Variants in MOSPD3 observed in about 807,000 individuals in gnomAD.
MOSPD3 encodes the protein motile sperm domain containing 3.
In MOSPD3, 20 loss-of-function variants were observed where a neutral mutation model predicts 23.3. The observed-to-expected ratio is 0.86, with a 90% CI of 0.61 to 1.25. The LOEUF (loss-of-function observed/expected upper bound fraction) is 1.25, where lower values mean the gene tolerates loss of function less well. Among genes scored for constraint, MOSPD3 ranks in the 50% most tolerant of loss-of-function variants. The pLI is 0.00. For synonymous variants in MOSPD3, 136 were observed against 135.2 expected (o/e 1.01, Z -0.04); for missense variants, 307 against 315.7 (o/e 0.97, Z 0.21).
Position 100,615,047 on chromosome 7 carries a change from G to A in MOSPD3, c.676+16G>A, listed in dbSNP as rs577812292. 2 of 1,614,202 alleles carry A rather than the reference G, an allele frequency of 1.2e-6. No homozygotes were observed. The highest frequency in any genetic ancestry group is 1.1e-5 in the South Asian group (1 of 91,086). ...TACGTCTTGGGTGAGGACAGTAGTG[G>A]CCAGGGACCCAGGCCCCAGGAAAAA... On this transcript the variant is annotated intron_variant, in intron 4 of 4. Transcript: ENST00000393950.
rs958212713 is a variant in MOSPD3 at position 100,612,663 on chromosome 7, G to C, written c.-129G>C. On this transcript the variant is annotated 5_prime_UTR_variant, in exon 1 of 5. Transcript: ENST00000393950. The stretch of plus-strand genomic sequence containing the variant: ...CCATCTAGCGGGGTTCCAAGGCGGC[G>C]GCGGCATCAGTCGAGGCCCTGCTCC... 12 of 643,136 alleles carry C rather than the reference G, an allele frequency of 1.9e-5. No individual in the cohort carries two copies. The highest frequency in any genetic ancestry group is 3.1e-5 in the Non-Finnish European group (12 of 391,962). The allele number at this position is 643,136 out of a possible 1,614,324, so 39.8% of individuals were successfully genotyped here.
chr7:100,612,466 A>T (rs1213608102), upstream of MOSPD3: 2 of 216,142 alleles, frequency 9.3e-6, no homozygotes, highest in Non-Finnish European at 1.8e-5. Flanking sequence ...GGCGGGGCTT[A>T]TGGAGATCGT....
chr7:100,613,610 G>A lies in MOSPD3; in HGVS notation c.415G>A (p.Ala139Thr). 1 of 1,614,182 alleles carries A rather than the reference G, an allele frequency of 6.2e-7. No individual in the cohort carries two copies. The highest frequency in any genetic ancestry group is 8.5e-7 in the Non-Finnish European group (1 of 1,180,038). The stretch of plus-strand genomic sequence containing the variant: ...CATTACCTCCATTCTGAGAGCCCCA[G>A]CGTACCCCCTTGAGCTTCAGGGACA... Reference protein sequence around the residue: ...KDITSILRAPAYPLELQGQPD... With the variant: ...KDITSILRAPTYPLELQGQPD... Residue 139 changes from alanine to threonine, a missense_variant, in exon 3 of 5, where the codon GCG becomes ACG. Ala to Thr is a moderately conservative substitution (Grantham distance 58). Coordinates refer to ENST00000393950, the MANE Select transcript of MOSPD3 (RefSeq NM_023948.5).
chr7:100,613,943 C>T (rs543973110), intron 3 of MOSPD3, among the ~76,000 whole-genome samples: 150 of 152,280 alleles, frequency 9.9e-4, no homozygotes, highest in Non-Finnish European at 1.4e-3. Context: ...CGCAGTACTT[C>T]CTATCATGTG....
intron 3 of MOSPD3, 117 bp from the exon 4 acceptor site, chr7:100,614,750 A>T: frequency 1.7e-6 from 2 of 1,192,204 alleles, no homozygotes; most frequent in Non-Finnish European, 2.3e-6. Context: ...CTCTACAAAA[A>T]ATAAAAGATA....
Position 100,613,386 on chromosome 7 carries a change from C to T in MOSPD3, c.282-91C>T, listed in dbSNP as rs927499508. The T allele has an allele frequency of 3.2e-6, 5 of 1,549,260 alleles. 1 individual carries two copies. In the South Asian group the frequency reaches 5.6e-5, roughly 17 times the overall value. The stretch of plus-strand genomic sequence containing the variant: ...ATTTGCCCTATCCTCTGCCTGTGCC[C>T]CTAAGGGAGAGACTTCTGGGGGGAG... On this transcript the variant is annotated intron_variant, in intron 2 of 4. Transcript: ENST00000393950.
chr7:100,614,292 C>T (rs1802925406), intron 3 of MOSPD3, among the ~76,000 whole-genome samples: 1 of 150,798 alleles, frequency 6.6e-6, no homozygotes. Flanking sequence ...GATGGAACCC[C>T]GTCTCTACTA....
In MOSPD3 at chr7:100,612,738, C is replaced by G. The variant is rs776627079; in HGVS notation, c.-54C>G. On this transcript the variant is annotated 5_prime_UTR_variant, in exon 1 of 5. Coordinates refer to ENST00000393950, the MANE Select transcript of MOSPD3 (RefSeq NM_023948.5). ...CCCCTCACGCCCCCCAGCTCTGACT[C>G]CAGGCCCTGTCCCCTGAGCTCTGCC... 1 of 1,431,452 alleles carries G rather than the reference C, an allele frequency of 7.0e-7. No homozygotes were observed. Among genetic ancestry groups the G allele is most frequent in the Non-Finnish European group, 9.4e-7 (1 of 1,059,218 alleles). The allele number at this position is 1,431,452 out of a possible 1,614,324, so 88.7% of individuals were successfully genotyped here.
intron 3 of MOSPD3, among the ~76,000 whole-genome samples, chr7:100,614,291 C>T (rs1802925287): frequency 6.7e-6 from 1 of 149,118 alleles, no homozygotes; most frequent in Admixed American, 6.7e-5. Context: ...TGATGGAACC[C>T]CGTCTCTACT....
chr7:100,614,757 G>T lies in MOSPD3; in HGVS notation c.512-110G>T, dbSNP rs1421684713. On this transcript the variant is annotated intron_variant, in intron 3 of 4. Coordinates refer to ENST00000393950, the MANE Select transcript of MOSPD3 (RefSeq NM_023948.5). Reference sequence around the variant, plus strand: ...GACTCCATCTCTACAAAAAATAAAAGATAATTAAAAAAAAAAAGTAGATAC... The same window carrying T: ...GACTCCATCTCTACAAAAAATAAAATATAATTAAAAAAAAAAAGTAGATAC... 6.5e-6 allele frequency: 8 copies of T among 1,238,274 alleles called. No individual in the cohort carries two copies. In the East Asian group the frequency reaches 1.3e-4, roughly 20 times the overall value. The allele number at this position is 1,238,274 out of a possible 1,614,324, so 76.7% of individuals were successfully genotyped here. A position where few individuals can be genotyped will look rare whatever the true frequency, so the allele number is the denominator to read the frequency against.
Position 100,614,973 on chromosome 7 carries a change from G to A in MOSPD3, c.618G>A (p.Gln206=), listed in dbSNP as rs1407342900. The change falls in exon 4 of 5, where the codon CAG becomes CAA. Residue 206 remains glutamine (Q), a synonymous_variant. Coordinates refer to ENST00000393950, the MANE Select transcript of MOSPD3 (RefSeq NM_023948.5). ...LLPLPDELGS[Q]LPQVLHVSLG... The stretch of plus-strand genomic sequence containing the variant: ...CACTCCCGGACGAACTCGGCAGCCA[G>A]CTGCCTCAAGTCCTGCACGTCTCCC... 1.9e-6 allele frequency: 3 copies of A among 1,614,010 alleles called. No homozygotes were observed. Among genetic ancestry groups the A allele is most frequent in the African/African-American group, 2.7e-5 (2 of 74,930 alleles).
rs771043806 is a variant in MOSPD3, at chr7:100,613,230, A to C, written c.242A>C (p.Asp81Ala). ...GCACCTGCCAAATACACGGTGTTTGACGCAGAGGGATATGTGAAGCCCCAG... is the reference window on the plus strand; with the variant it reads ...GCACCTGCCAAATACACGGTGTTTGCCGCAGAGGGATATGTGAAGCCCCAG... ...CTAPAKYTVF[D>A]AEGYVKPQSC... The change falls in exon 2 of 5, where the codon GAC becomes GCC. Residue 81 changes from aspartate to alanine, a missense_variant. Physicochemically the swap from Asp to Ala is moderately radical, Grantham distance 126. Transcript: ENST00000393950. 6 of 1,613,946 alleles carry C rather than the reference A, an allele frequency of 3.7e-6. No individual in the cohort carries two copies. The East Asian group carries it at 1.3e-4, about 36-fold the overall frequency.
At chr7:100,614,503 TCA>T (rs1238832261) in intron 3 of MOSPD3, among the ~76,000 whole-genome samples, 1 of 150,620 alleles carries the variant, frequency 6.6e-6, no homozygotes, top group Non-Finnish European at 1.5e-5. Flanking sequence ...GTGTGGTGAC[TCA>T]CACCTATAAT....
chr7:100,615,105 C>T, intron 4 of MOSPD3, 47 bp from the exon 5 acceptor site: 1 of 1,614,036 alleles, frequency 6.2e-7, no homozygotes, highest in Non-Finnish European at 8.5e-7. Flanking sequence ...CTAACAGAGC[C>T]CCAGGGCTGC....
intron 3 of MOSPD3, 75 bp downstream of exon 3, chr7:100,613,781 G>T: frequency 7.5e-7 from 1 of 1,336,094 alleles, no homozygotes; most frequent in Non-Finnish European, 1.0e-6. Context: ...GAGATAAATT[G>T]GATTTGAAGA....
Position 100,613,659 on chromosome 7 carries a change from G to A in MOSPD3, c.464G>A (p.Gly155Glu). 6.2e-7 allele frequency: 1 copy of A among 1,613,842 alleles called. No homozygotes were observed. The highest frequency in any genetic ancestry group is 1.1e-5 in the South Asian group (1 of 91,086). Residue 155 changes from glycine (G) to glutamate (E), a missense_variant, in exon 3 of 5, where the codon GGG becomes GAG. Transcript: ENST00000393950. ...CAGCCAGATCCAGCGCCTCGCCCAG[G>A]GCCTCCTGCTGGGACACCACCACCC... ...QGQPDPAPRP[G>E]PPAGTPPPTA...
chr7:100,613,660 G>T lies in MOSPD3; in HGVS notation c.465G>T (p.Gly155=). 6.2e-7 allele frequency: 1 copy of T among 1,613,742 alleles called. No individual in the cohort carries two copies. The highest frequency in any genetic ancestry group is 8.5e-7 in the Non-Finnish European group (1 of 1,180,036). The change falls in exon 3 of 5, where the codon GGG becomes GGT. Residue 155 remains glycine, a synonymous_variant. Transcript: ENST00000393950. The stretch of plus-strand genomic sequence containing the variant: ...AGCCAGATCCAGCGCCTCGCCCAGG[G>T]CCTCCTGCTGGGACACCACCACCCA... ...QGQPDPAPRP[G]PPAGTPPPTA...
chr7:100,612,986 T>C lies in MOSPD3; in HGVS notation c.195T>C (p.Leu65=). The change falls in exon 1 of 5, where the codon CTT becomes CTC. Residue 65 remains leucine (L), a synonymous_variant. Transcript: ENST00000393950. ...LTLYNPTGTA[L]RFRVLCTAPA... ...TCTATAACCCCACAGGAACTGCGCTTCGCTTCCGAGGTAAAGGGATCGGCG... is the reference window on the plus strand; with the variant it reads ...TCTATAACCCCACAGGAACTGCGCTCCGCTTCCGAGGTAAAGGGATCGGCG... 6.2e-7 allele frequency: 1 copy of C among 1,613,984 alleles called. No homozygotes were observed. Among genetic ancestry groups the C allele is most frequent in the South Asian group, 1.1e-5 (1 of 91,072 alleles).
Position 100,613,183 on chromosome 7 carries a change from C to T in MOSPD3, c.206-11C>T. The T allele has an allele frequency of 6.2e-7, 1 of 1,613,814 alleles. No individual in the cohort carries two copies. The highest frequency in any genetic ancestry group is 8.5e-7 in the Non-Finnish European group (1 of 1,179,748). On this transcript the variant is annotated splice_polypyrimidine_tract_variant and intron_variant, in intron 1 of 4. Coordinates refer to ENST00000393950, the MANE Select transcript of MOSPD3 (RefSeq NM_023948.5). The stretch of plus-strand genomic sequence containing the variant: ...TGGCAGGGCTTGTCTGTGTGTGTCT[C>T]TATCCCCCAGTCCTGTGCACAGCAC...
Sources: allele counts gnomAD v4.1 joint callset (sites outside exome capture counted in the v4.1 genomes callset), GRCh38; gene constraint gnomAD v4.1.1; transcripts MANE v1.5; gene names NCBI Gene and HGNC (gene_info 2026-07-23, HGNC 2026-07-21).